The following PCDHA9 variants were observed in gnomAD, a reference collection of about 807,000 sequenced individuals.
The protein encoded by PCDHA9 is protocadherin alpha 9.
In PCDHA9, 62 loss-of-function variants were observed where a neutral mutation model predicts 62.0. The observed-to-expected ratio is 1.00, with a 90% confidence interval of 0.81 to 1.23. PCDHA9 has a LOEUF of 1.23. Among genes scored for constraint, PCDHA9 ranks in the 50% most tolerant of loss-of-function variants. The pLI is 0.00. For missense variants in PCDHA9, 1,205 were observed against 1,249.8 expected (o/e 0.96, Z 0.54); for synonymous variants, 557 against 567.6 (o/e 0.98, Z 0.27).
chr5:140,917,324 C>CGGGGG (rs1299895515), intron 1 of PCDHA9, among the ~76,000 whole-genome samples: 1 of 76,186 alleles, frequency 1.3e-5, no homozygotes, highest in Non-Finnish European at 2.9e-5. Flanking sequence ...GTTCATGTGG[C>CGGGGG]GGGGGAGGGG....
At position 140,877,676 on chromosome 5, in the gene PCDHA9, G is replaced by A. The variant is rs781985023; in HGVS notation, c.2394+26787G>A. ...CCCACCGTGAGCCGGTGCGCGCCGG[G>A]CAAGCCCACGCTGGTGTGCTCCAGC... On this transcript the variant is annotated intron_variant, in intron 1 of 3. Coordinates refer to ENST00000532602, the MANE Select transcript of PCDHA9 (RefSeq NM_031857.2). The A allele has an allele frequency of 8.7e-6, 14 of 1,613,488 alleles. No homozygotes were observed. The African/African-American group carries it at 1.2e-4, about 14-fold the overall frequency.
At chr5:140,915,840 G>C (rs1554197129) in intron 1 of PCDHA9, among the ~76,000 whole-genome samples, 1 of 152,142 alleles carries the variant, frequency 6.6e-6, no homozygotes, top group African/African-American at 2.4e-5. Context: ...AGATCAGCAG[G>C]GGGTGACACC....
chr5:140,916,469 T>C (rs1051023499), intron 1 of PCDHA9, among the ~76,000 whole-genome samples: 2 of 152,194 alleles, frequency 1.3e-5, no homozygotes, highest in African/African-American at 4.8e-5. Flanking sequence ...TGCTGGTTAT[T>C]TGGTGCCCAA....
At chr5:140,876,251 G>T in intron 1 of PCDHA9, 1 of 1,614,008 alleles carries the variant, frequency 6.2e-7, no homozygotes, top group South Asian at 1.1e-5. Context: ...AACGACACAA[G>T]AGTGATCCAA....
At chr5:140,939,672 A>T (rs573857311) in intron 1 of PCDHA9, among the ~76,000 whole-genome samples, 1 of 152,314 alleles carries the variant, frequency 6.6e-6, no homozygotes, top group Non-Finnish European at 1.5e-5. Context: ...ACCAACTTGT[A>T]TGTATGTGTG....
intron 3 of PCDHA9, among the ~76,000 whole-genome samples, chr5:141,008,500 A>C (rs2098379990): frequency 6.6e-6 from 1 of 152,072 alleles, no homozygotes; most frequent in African/African-American, 2.4e-5. Context: ...GGTATACTTT[A>C]TGGTGTGTCT....
chr5:141,002,047 C>A (rs1449885583), intron 3 of PCDHA9, among the ~76,000 whole-genome samples: 2 of 152,202 alleles, frequency 1.3e-5, no homozygotes, highest in Non-Finnish European at 2.9e-5. Flanking sequence ...TCCTGGGCAT[C>A]CAGAGGCAGC....
Position 140,850,636 on chromosome 5 carries a change from C to G in PCDHA9, c.2141C>G (p.Thr714Arg), listed in dbSNP as rs782210334. 1.9e-6 allele frequency: 3 copies of G among 1,598,538 alleles called. No homozygotes were observed. The highest frequency in any genetic ancestry group is 2.6e-6 in the Non-Finnish European group (3 of 1,167,896). Reference protein sequence around the residue: ...ICAVSSLLVLTLLLYTVLRCS... With the variant: ...ICAVSSLLVLRLLLYTVLRCS... ...GCGGTGTCTAGCCTGTTGGTTCTCA[C>G]GCTGCTGCTGTACACTGTGCTGCGG... The change falls in exon 1 of 4, where the codon ACG becomes AGG. Residue 714 changes from threonine (T) to arginine (R), a missense_variant. By Grantham distance (71) the Thr-to-Arg change is moderately conservative (BLOSUM62 -1). This residue lies in a region of PCDHA9 where 887 missense variants were observed against 809.5 expected (regional missense o/e 1.10). Coordinates refer to ENST00000532602, the MANE Select transcript of PCDHA9 (RefSeq NM_031857.2).
chr5:140,989,696 T>G (rs1554251011), intron 3 of PCDHA9, among the ~76,000 whole-genome samples: 1 of 152,216 alleles, frequency 6.6e-6, no homozygotes, highest in African/African-American at 2.4e-5. Flanking sequence ...CGTGAAAATT[T>G]TATCTTCAGA....
chr5:140,890,550 C>A (rs1162286556), intron 1 of PCDHA9, among the ~76,000 whole-genome samples: 1 of 151,958 alleles, frequency 6.6e-6, no homozygotes, highest in Admixed American at 6.6e-5. Context: ...TGACTGAGTA[C>A]TTTTTATTGT....
chr5:140,974,043 TATG>T (rs1554235772), intron 1 of PCDHA9, among the ~76,000 whole-genome samples: 1 of 152,238 alleles, frequency 6.6e-6, no homozygotes, highest in Non-Finnish European at 1.5e-5. Flanking sequence ...AGCTTATTAA[TATG>T]ATAATATTTG....
chr5:141,008,362 G>A (rs2098372939), intron 3 of PCDHA9, among the ~76,000 whole-genome samples: 1 of 152,172 alleles, frequency 6.6e-6, no homozygotes, highest in Non-Finnish European at 1.5e-5. Flanking sequence ...AACCAAAGGA[G>A]CAGTGTTAGA....
Position 140,848,965 on chromosome 5 carries a change from C to G in PCDHA9, c.470C>G (p.Ala157Gly). 6.2e-7 allele frequency: 1 copy of G among 1,606,280 alleles called. No individual in the cohort carries two copies. Among genetic ancestry groups the G allele is most frequent in the Non-Finnish European group, 8.5e-7 (1 of 1,176,272 alleles). The change falls in exon 1 of 4, where the codon GCG (alanine) becomes GGG (glycine). Residue 157 changes from alanine (A) to glycine (G), a missense_variant. Physicochemically the swap from Ala to Gly is moderately conservative, Grantham distance 60. This residue lies in a region of PCDHA9 where 208 missense variants were observed against 213.2 expected (regional missense o/e 0.98). Transcript: ENST00000532602. ...PLDSRFPLEGASDADIGENAL... is the reference protein window; with the variant it reads ...PLDSRFPLEGGSDADIGENAL... ...GACTCTCGGTTTCCACTAGAGGGCG[C>G]GTCCGATGCAGATATCGGGGAGAAC...
At chr5:140,956,594 T>C (rs2095295015) in intron 1 of PCDHA9, among the ~76,000 whole-genome samples, 1 of 152,210 alleles carries the variant, frequency 6.6e-6, no homozygotes, top group Non-Finnish European at 1.5e-5. Flanking sequence ...TTATCAGGGA[T>C]ATCAGCTGGA....
chr5:140,920,908 T>G (rs1333150217), intron 1 of PCDHA9, among the ~76,000 whole-genome samples: 1 of 151,136 alleles, frequency 6.6e-6, no homozygotes, highest in Non-Finnish European at 1.5e-5. Context: ...GGTTCTCAAA[T>G]CAGTTCCAAG....
chr5:140,988,403 C>T (rs1054317981), intron 3 of PCDHA9, among the ~76,000 whole-genome samples: 3 of 152,036 alleles, frequency 2.0e-5, no homozygotes, highest in African/African-American at 4.8e-5. Context: ...GAGTTCTCTT[C>T]GCAGCTTATG....
At position 140,858,437 on chromosome 5, in the gene PCDHA9, G is replaced by T. The variant is rs1343643925; in HGVS notation, c.2394+7548G>T. The T allele has an allele frequency of 4.5e-6, 7 of 1,541,950 alleles. 1 individual carries two copies. In the Admixed American group the frequency reaches 1.4e-4, roughly 30 times the overall value. Reference sequence around the variant, plus strand: ...TATTGGAGGGGACCACTCTAGGAAGGTGGGTTATTACGTTTTCATTTTCCT... The same window carrying T: ...TATTGGAGGGGACCACTCTAGGAAGTTGGGTTATTACGTTTTCATTTTCCT... On this transcript the variant is annotated intron_variant, in intron 1 of 3. Coordinates refer to ENST00000532602, the MANE Select transcript of PCDHA9 (RefSeq NM_031857.2).
intron 1 of PCDHA9, among the ~76,000 whole-genome samples, chr5:140,915,667 G>A (rs2077246554): frequency 1.3e-5 from 2 of 149,888 alleles, no homozygotes; most frequent in Admixed American, 1.3e-4. Flanking sequence ...AAGGTGCTGG[G>A]CCATCTTGAA....
chr5:140,995,184 T>G (rs1382886542), intron 3 of PCDHA9, among the ~76,000 whole-genome samples: 3 of 152,168 alleles, frequency 2.0e-5, no homozygotes, highest in African/African-American at 7.2e-5. Flanking sequence ...GCACCTATGA[T>G]AAAGTTTAAT....
Sources: allele counts gnomAD v4.1 joint callset (sites outside exome capture counted in the v4.1 genomes callset), GRCh38; gene constraint gnomAD v4.1.1; regional missense constraint gnomAD v4.1.1; transcripts MANE v1.5; gene names NCBI Gene and HGNC (gene_info 2026-07-23, HGNC 2026-07-21).